PCDH10: variants seen among roughly 807,000 people sequenced by gnomAD.
The protein encoded by PCDH10 is protocadherin-10.
Under a neutral mutation model 74.4 loss-of-function variants are expected in PCDH10, and 15 were observed. The observed-to-expected ratio is 0.20, with a 90% confidence interval of 0.13 to 0.31. PCDH10 has a LOEUF of 0.31. PCDH10 is among the 10% of genes least tolerant of loss of function. The pLI is 1.00. For synonymous variants in PCDH10, 619 were observed against 589.8 expected (o/e 1.05, Z -0.72); for missense variants, 1,260 against 1,390.2 (o/e 0.91, Z 1.49).
intron 4 of PCDH10, among the ~76,000 whole-genome samples, chr4:133,186,452 A>C (rs1197851027): frequency 6.6e-6 from 1 of 152,208 alleles, no homozygotes; most frequent in Non-Finnish European, 1.5e-5. Context: ...AAATGAAAAG[A>C]AAAAGAAATC....
rs1056207665 is a variant in PCDH10 at position 133,192,088 on chromosome 4, G to A, written c.*1928G>A. ...ATATTAATATATCATATTCCAATCAGTTCATATATCAAAATAATGTATGTA... is the reference window on the plus strand; with the variant it reads ...ATATTAATATATCATATTCCAATCAATTCATATATCAAAATAATGTATGTA... On this transcript the variant is annotated 3_prime_UTR_variant, in exon 5 of 5. Coordinates refer to ENST00000264360, the MANE Select transcript of PCDH10 (RefSeq NM_032961.3). The A allele has an allele frequency of 7.3e-5, 11 of 151,178 alleles. No individual in the cohort carries two copies. The highest frequency in any genetic ancestry group is 2.7e-4 in the African/African-American group (11 of 41,200). 9.4% of individuals were successfully genotyped at this position (151,178 alleles called of 1,614,324 possible). A position where few individuals can be genotyped will look rare whatever the true frequency, so the allele number is the denominator to read the frequency against.
chr4:133,199,395 C>T (rs919586303), downstream of PCDH10, among the ~76,000 whole-genome samples: 1 of 150,890 alleles, frequency 6.6e-6, no homozygotes, highest in African/African-American at 2.4e-5. Flanking sequence ...TAGGAAGAGA[C>T]TACTGTGAAT....
intron 3 of PCDH10, among the ~76,000 whole-genome samples, chr4:133,162,061 T>C (rs746432211): frequency 6.6e-6 from 1 of 152,200 alleles, no homozygotes; most frequent in Non-Finnish European, 1.5e-5. Flanking sequence ...ATAATATTTG[T>C]AATCTTGTCA....
intron 4 of PCDH10, among the ~76,000 whole-genome samples, chr4:133,173,618 G>C (rs577250709): frequency 6.6e-6 from 1 of 151,998 alleles, no homozygotes; most frequent in Non-Finnish European, 1.5e-5. Context: ...ATGAAGAAGA[G>C]ACAATTGAAA....
intron 4 of PCDH10, among the ~76,000 whole-genome samples, chr4:133,168,205 A>T (rs1727126261): frequency 6.6e-6 from 1 of 151,296 alleles, no homozygotes; most frequent in Admixed American, 6.6e-5. Context: ...CAGCTAGTAG[A>T]ATTTAAAGTG....
intron 4 of PCDH10, among the ~76,000 whole-genome samples, chr4:133,188,606 A>T (rs2125873188): frequency 6.6e-6 from 1 of 150,634 alleles, no homozygotes; most frequent in Admixed American, 6.6e-5. Flanking sequence ...ACTACACAAT[A>T]CATGTAGATA....
chr4:133,205,246 C>T (rs1258713890), intron 2 of PCDH10, among the ~76,000 whole-genome samples: 1 of 152,078 alleles, frequency 6.6e-6, no homozygotes, highest in African/African-American at 2.4e-5. Context: ...TGAACAGTAT[C>T]TAGCATGAAA....
At chr4:133,199,462 G>A (rs1383416293), downstream of PCDH10, among the ~76,000 whole-genome samples, 1 of 151,310 alleles carries the variant, frequency 6.6e-6, no homozygotes, top group Non-Finnish European at 1.5e-5. Flanking sequence ...TAAAAATGGA[G>A]GGGAGAGGAT....
At chr4:133,170,063 C>T (rs1211630020) in intron 4 of PCDH10, among the ~76,000 whole-genome samples, 4 of 151,932 alleles carry the variant, frequency 2.6e-5, no homozygotes. Flanking sequence ...AAAGCTTGAC[C>T]TACTTCAATT....
chr4:133,153,205 G>A (rs547322757), intron 1 of PCDH10: 3 of 1,060,788 alleles, frequency 2.8e-6, no homozygotes, highest in South Asian at 3.8e-5. Context: ...GTTTAACGAT[G>A]CTTTTAGTCG....
downstream of PCDH10, among the ~76,000 whole-genome samples, chr4:133,199,384 G>A (rs1162853245): frequency 6.6e-6 from 1 of 150,970 alleles, no homozygotes; most frequent in Non-Finnish European, 1.5e-5. Context: ...AGACATTGGG[G>A]TAGGAAGAGA....
intron 4 of PCDH10, among the ~76,000 whole-genome samples, chr4:133,179,244 C>G (rs770588949): frequency 6.6e-6 from 1 of 152,072 alleles, no homozygotes; most frequent in African/African-American, 2.4e-5. Flanking sequence ...GACTAGCTTA[C>G]GAAAATCAAT....
intron 1 of PCDH10, 134 bp downstream of exon 1, chr4:133,152,905 A>G: frequency 1.4e-6 from 2 of 1,464,640 alleles, no homozygotes; most frequent in South Asian, 1.4e-5. Flanking sequence ...GTGGGAGCAG[A>G]GATGGGCGGT....
chr4:133,177,498 A>G (rs1048602848), intron 4 of PCDH10, among the ~76,000 whole-genome samples: 11 of 152,190 alleles, frequency 7.2e-5, no homozygotes, highest in Admixed American at 3.3e-4. Context: ...TAACTTCTAC[A>G]TCAGTTTTGC....
intron 4 of PCDH10, among the ~76,000 whole-genome samples, chr4:133,173,431 G>A (rs941812609): frequency 5.3e-5 from 8 of 151,872 alleles, no homozygotes; most frequent in African/African-American, 1.7e-4. Flanking sequence ...CCTTGACATC[G>A]GTTCTTGCTC....
intron 3 of PCDH10, among the ~76,000 whole-genome samples, chr4:133,161,831 T>C (rs887101801): frequency 3.3e-5 from 5 of 152,086 alleles, no homozygotes; most frequent in African/African-American, 1.2e-4. Context: ...TCTTAGCCAT[T>C]TAAAGTTTGA....
chr4:133,150,299 T>G lies in PCDH10; in HGVS notation c.159T>G (p.Phe53Leu), dbSNP rs761741894. 5 of 1,613,856 alleles carry G rather than the reference T, an allele frequency of 3.1e-6. No individual in the cohort carries two copies. The South Asian group carries it at 5.5e-5, about 18-fold the overall frequency. Residue 53 changes from phenylalanine (F) to leucine (L), a missense_variant, in exon 1 of 5, where the codon TTT becomes TTG. Phe to Leu is a conservative substitution (Grantham distance 22). This residue lies in a region of PCDH10 where 103 missense variants were observed against 91.5 expected (regional missense o/e 1.13). Transcript: ENST00000264360. The stretch of plus-strand genomic sequence containing the variant: ...TTACAAAACTTTCGGCTCGCGGGTT[T>G]CAGACGGTGCCCAACTCAAGGACCC... ...LDITKLSARG[F>L]QTVPNSRTPY...
chr4:133,162,478 T>C (rs571272162), intron 3 of PCDH10, among the ~76,000 whole-genome samples: 3 of 152,328 alleles, frequency 2.0e-5, no homozygotes, highest in Admixed American at 6.5e-5. Context: ...TGCTTCATAT[T>C]CAAATTTCAT....
chr4:133,166,974 G>A (rs1267912149), intron 4 of PCDH10, among the ~76,000 whole-genome samples: 1 of 151,172 alleles, frequency 6.6e-6, no homozygotes, highest in Non-Finnish European at 1.5e-5. Flanking sequence ...GAGTCTAAAG[G>A]GAACCATTTA....
Sources: gnomAD v4.1 joint callset for allele counts (sites outside exome capture counted in the v4.1 genomes callset) on GRCh38, gnomAD v4.1.1 for gene constraint, gnomAD v4.1.1 regional missense constraint, MANE v1.5 for transcripts, NCBI Gene and HGNC (gene_info 2026-07-23, HGNC 2026-07-21) for gene names.